PAK3: variants seen among roughly 807,000 people sequenced by gnomAD.
PAK3 encodes serine/threonine-protein kinase PAK 3.
PAK3 carries 4 observed loss-of-function variants against 41.0 expected under a neutral mutation model. The ratio of observed to expected loss-of-function variants is 0.10; its 90% confidence interval spans 0.05 to 0.22. The LOEUF is 0.22. Ranked by LOEUF, PAK3 falls within the 10% of genes least tolerant of loss-of-function variation. The probability of loss-of-function intolerance (pLI) is 1.00; values close to 1 mark genes in which losing one functional copy is unlikely to be tolerated. For synonymous variants in PAK3, 146 were observed against 139.6 expected (o/e 1.05, Z -0.32); for missense variants, 205 against 409.9 (o/e 0.50, Z 4.32).
chrX:111,064,050 C>T (rs2092681691), intron 1 of PAK3, among the ~76,000 whole-genome samples: 1 of 111,035 alleles, frequency 9.0e-6, no homozygotes, highest in Non-Finnish European at 1.9e-5. Flanking sequence ...AGACTACAGA[C>T]CCCTTTGTGT....
chrX:111,147,604 A>G, intron 6 of PAK3, 133 bp from the exon 7 acceptor site: 2 of 542,966 alleles, frequency 3.7e-6, no homozygotes, highest in South Asian at 2.5e-5. Context: ...CTTTAAATCT[A>G]GAATGTAACT....
chrX:111,089,393 C>A (rs1467915983), intron 1 of PAK3, among the ~76,000 whole-genome samples: 1 of 111,924 alleles, frequency 8.9e-6, no homozygotes, highest in Non-Finnish European at 1.9e-5. Context: ...CCATGAATAA[C>A]CCAAAATTGG....
chrX:110,962,474 T>A (rs1241369919), intron 1 of PAK3, among the ~76,000 whole-genome samples: 1 of 112,846 alleles, frequency 8.9e-6, no homozygotes, highest in Non-Finnish European at 1.9e-5. Flanking sequence ...TATAACAGCC[T>A]CCTTCAAGCT....
At position 111,100,284 on chromosome X, in the gene PAK3, A is replaced by G. The variant is rs781356139; in HGVS notation, c.-176+2600A>G. 2.8e-4 allele frequency among the ~76,000 whole-genome samples: 31 copies of G among 111,192 alleles called. No homozygotes were observed. In the South Asian group the frequency reaches 0.011, roughly 39 times the overall value. On this transcript the variant is annotated intron_variant, in intron 3 of 17. Coordinates refer to ENST00000372007, the MANE Select transcript of PAK3 (RefSeq NM_002578.5). ...TCCTTCTCCTTCGTGCCCTCCTCCC[A>G]TATCTCACTGTGAGCCCCAGGCACT...
intron 5 of PAK3, among the ~76,000 whole-genome samples, chrX:111,131,991 AT>A (rs939197325): frequency 9.0e-6 from 1 of 111,435 alleles, no homozygotes; most frequent in Non-Finnish European, 1.9e-5. Flanking sequence ...TTTTTTTTTA[AT>A]AAAAAAAGGA....
At chrX:111,102,415 A>G (rs2093160317) in intron 3 of PAK3, among the ~76,000 whole-genome samples, 1 of 112,428 alleles carries the variant, frequency 8.9e-6, no homozygotes, top group African/African-American at 3.2e-5. Context: ...AGCTCCAATT[A>G]GGGTCAGAGG....
At chrX:110,970,626 T>C (rs1373135240) in intron 1 of PAK3, among the ~76,000 whole-genome samples, 1 of 110,998 alleles carries the variant, frequency 9.0e-6, no homozygotes, top group Non-Finnish European at 1.9e-5. Context: ...GGGAGAGCAT[T>C]AGGAAAAATA....
intron 1 of PAK3, among the ~76,000 whole-genome samples, chrX:110,963,757 G>A (rs750711018): frequency 8.9e-6 from 1 of 112,648 alleles, no homozygotes; most frequent in South Asian, 3.7e-4. Context: ...ACACAGAAAG[G>A]ACGATGTTGA....
chrX:111,163,511 A>G (rs1250361360), intron 9 of PAK3, 51 bp from the exon 10 acceptor site: 1 of 894,604 alleles, frequency 1.1e-6, no homozygotes, highest in African/African-American at 2.0e-5. Flanking sequence ...TTGACTCCAC[A>G]CTCTTTCCTT....
At chrX:111,086,977 G>T (rs1051159114) in intron 1 of PAK3, among the ~76,000 whole-genome samples, 2 of 111,105 alleles carry the variant, frequency 1.8e-5, no homozygotes, top group Admixed American at 9.6e-5. Context: ...CTTTAAAAAC[G>T]TGTGTTAGCG....
intron 1 of PAK3, among the ~76,000 whole-genome samples, chrX:110,965,585 C>G (rs1019678426): frequency 7.1e-5 from 8 of 112,302 alleles, no homozygotes; most frequent in Admixed American, 6.6e-4. Flanking sequence ...GGTGAGGCAG[C>G]CTGATACAGA....
chrX:110,980,018 A>G lies in PAK3; in HGVS notation c.-28+35390A>G, dbSNP rs186293922. ...ATTTCCTTGCTGATTGTCTGCTAAC[A>G]GTCACATTCTGCTCCTAGAAGCCAC... is the stretch of plus-strand genomic sequence containing the variant. On this transcript the variant is annotated intron_variant, in intron 1 of 14. Transcript: ENST00000425146. Among the ~76,000 whole-genome samples, 465 of 112,050 alleles carry G rather than the reference A, an allele frequency of 4.1e-3. 4 individuals carry two copies. The highest frequency in any genetic ancestry group is 0.015 in the African/African-American group (453 of 30,843).
chrX:111,163,443 CTT>C, intron 9 of PAK3, 117 bp from the exon 10 acceptor site: 3 of 455,015 alleles, frequency 6.6e-6, no homozygotes, highest in Non-Finnish European at 1.1e-5. Flanking sequence ...ACTCAAAGTC[CTT>C]TTTTTTTTTA....
intron 10 of PAK3, among the ~76,000 whole-genome samples, chrX:111,164,032 A>T (rs2094222262): frequency 8.9e-6 from 1 of 112,341 alleles, no homozygotes; most frequent in East Asian, 2.8e-4. Flanking sequence ...AAAATATGTT[A>T]TGATCATAAC....
intron 1 of PAK3, among the ~76,000 whole-genome samples, chrX:111,015,253 T>A (rs2092071182): frequency 9.0e-6 from 1 of 110,810 alleles, no homozygotes; most frequent in Admixed American, 9.6e-5. Flanking sequence ...TCCAGGTTGA[T>A]CCATGTTGTA....
intron 4 of PAK3, among the ~76,000 whole-genome samples, chrX:111,116,226 G>A (rs2093460934): frequency 1.8e-5 from 2 of 110,891 alleles, no homozygotes; most frequent in African/African-American, 6.6e-5. Flanking sequence ...ACTAAGTTTT[G>A]CTTCTCTTTT....
At chrX:111,161,165 T>G (rs1264917189) in intron 8 of PAK3, among the ~76,000 whole-genome samples, 143 of 111,958 alleles carry the variant, frequency 1.3e-3, no homozygotes, top group African/African-American at 3.7e-3. Context: ...ATTCTAACTG[T>G]TGTGAGATGG....
intron 11 of PAK3, among the ~76,000 whole-genome samples, chrX:111,176,526 T>C (rs2094407589): frequency 9.0e-6 from 1 of 111,400 alleles, no homozygotes; most frequent in Admixed American, 9.6e-5. Context: ...AAGAAAATGT[T>C]TGTCTTTCTA....
At chrX:111,069,191 A>C (rs1368877764) in intron 1 of PAK3, among the ~76,000 whole-genome samples, 3 of 111,992 alleles carry the variant, frequency 2.7e-5, no homozygotes, top group Non-Finnish European at 5.6e-5. Context: ...GTTTGGAAAG[A>C]AGGTGTTTGT....
Sources: allele counts gnomAD v4.1 joint callset (sites outside exome capture counted in the v4.1 genomes callset), GRCh38; gene constraint gnomAD v4.1.1; transcripts MANE v1.5; gene names NCBI Gene and HGNC (gene_info 2026-07-23, HGNC 2026-07-21).